The following ESR1 variants were observed in gnomAD, a reference collection of about 807,000 sequenced individuals.
The protein encoded by ESR1 is estrogen receptor 1.
A neutral mutation model predicts 52.7 loss-of-function variants in ESR1; 12 were observed. The observed-to-expected ratio is 0.23, with a 90% CI of 0.15 to 0.37. The LOEUF (loss-of-function observed/expected upper bound fraction) is 0.37, where lower values mean the gene tolerates loss of function less well. Among genes scored for constraint, ESR1 ranks in the 10% least tolerant of loss-of-function variants. The pLI is 1.00. For synonymous variants in ESR1, 305 were observed against 316.8 expected, an observed-to-expected ratio of 0.96 and a Z score of 0.39; for missense variants, 584 against 779.7, an observed-to-expected ratio of 0.75 and a Z score of 2.99.
intron 4 of ESR1, among the ~76,000 whole-genome samples, chr6:151,982,210 A>G (rs1463459873): frequency 6.6e-6 from 1 of 152,208 alleles, no homozygotes; most frequent in African/African-American, 2.4e-5. Context: ...AAAAAGAGGG[A>G]TGAGACCTGG....
chr6:151,953,316 T>G (rs1393134197), intron 4 of ESR1, among the ~76,000 whole-genome samples: 1 of 152,146 alleles, frequency 6.6e-6, no homozygotes. Flanking sequence ...GGAGGTTACA[T>G]CGTAGTGATG....
At chr6:151,923,470 G>T in intron 3 of ESR1, among the ~76,000 whole-genome samples, 1 of 152,074 alleles carries the variant, frequency 6.6e-6, no homozygotes, top group East Asian at 1.9e-4. Context: ...AATATCCTGT[G>T]TTTCTCTAAT....
At chr6:151,870,104 A>G (rs1270409622) in intron 2 of ESR1, among the ~76,000 whole-genome samples, 1 of 152,206 alleles carries the variant, frequency 6.6e-6, no homozygotes, top group Non-Finnish European at 1.5e-5. Flanking sequence ...TATGTGAGTC[A>G]AAATTTATTT....
chr6:151,899,005 C>T (rs1250303598), intron 3 of ESR1, among the ~76,000 whole-genome samples: 25 of 150,734 alleles, frequency 1.7e-4, no homozygotes, highest in African/African-American at 5.6e-4. Flanking sequence ...ACCTCCCGGA[C>T]GGGGCGGCTG....
At chr6:152,045,194 C>G (rs1220605622) in intron 5 of ESR1, among the ~76,000 whole-genome samples, 2 of 152,150 alleles carry the variant, frequency 1.3e-5, no homozygotes, top group Non-Finnish European at 2.9e-5. Flanking sequence ...GAATGGCTCA[C>G]TACAGGGGCA....
intron 6 of ESR1, among the ~76,000 whole-genome samples, chr6:152,071,888 C>T (rs956306760): frequency 2.0e-5 from 3 of 152,066 alleles, no homozygotes; most frequent in Non-Finnish European, 4.4e-5. Flanking sequence ...AATTGATTTG[C>T]TGGTGAAAAG....
At chr6:151,668,521 G>A (rs1243390516) in intron 1 of ESR1, among the ~76,000 whole-genome samples, 1 of 152,120 alleles carries the variant, frequency 6.6e-6, no homozygotes, top group Non-Finnish European at 1.5e-5. Flanking sequence ...CTGACCTCGT[G>A]ATCTGCCTGC....
chr6:151,967,293 C>T (rs1000063282), intron 4 of ESR1, among the ~76,000 whole-genome samples: 5 of 152,112 alleles, frequency 3.3e-5, no homozygotes, highest in African/African-American at 4.8e-5. Context: ...ACCAACCCAT[C>T]ATTTACATTA....
intron 3 of ESR1, among the ~76,000 whole-genome samples, chr6:151,907,109 A>G (rs1484884807): frequency 2.0e-5 from 3 of 152,004 alleles, no homozygotes; most frequent in African/African-American, 4.8e-5. Context: ...TTATTTGTCT[A>G]TGTCTACACT....
chr6:151,965,333 T>C (rs2038154358), intron 4 of ESR1, among the ~76,000 whole-genome samples: 1 of 152,208 alleles, frequency 6.6e-6, no homozygotes, highest in Non-Finnish European at 1.5e-5. Flanking sequence ...GCTTATTTCT[T>C]TGAATATCTT....
At position 151,980,231 on chromosome 6, in the gene ESR1, ATTC is replaced by A. The variant is rs201647577; in HGVS notation, c.1097-31417_1097-31415del. ...AATGGTAAGCTACATTCCAATTTGT[ATTC>A]TTCTTCTAAAGTCCTCCCTGTTTGC... On this transcript the variant is annotated intron_variant, in intron 4 of 7. Transcript: ENST00000206249. 4.4e-4 allele frequency among the ~76,000 whole-genome samples: 67 copies of A among 152,304 alleles called. 1 individual carries two copies. Among genetic ancestry groups the A allele is most frequent in the Admixed American group, 1.8e-3 (27 of 15,294 alleles).
At chr6:151,785,253 C>T (rs146697833) in intron 2 of ESR1, among the ~76,000 whole-genome samples, 92 of 152,160 alleles carry the variant, frequency 6.0e-4, no homozygotes, top group Non-Finnish European at 9.0e-4. Flanking sequence ...AGCCTGGAGA[C>T]GGGGAGTGGG....
At chr6:151,756,640 T>C (rs908046025) in intron 2 of ESR1, among the ~76,000 whole-genome samples, 22 of 152,384 alleles carry the variant, frequency 1.4e-4, no homozygotes, top group African/African-American at 5.0e-4. Flanking sequence ...GGCCGGTAGG[T>C]ACTGTCAATT....
intron 2 of ESR1, among the ~76,000 whole-genome samples, chr6:151,703,873 G>T (rs1779981955): frequency 6.6e-6 from 1 of 152,168 alleles, no homozygotes. Flanking sequence ...GGTCTAAGGT[G>T]CTGTTGCTGA....
chr6:151,895,580 T>C (rs1350116093), intron 3 of ESR1, among the ~76,000 whole-genome samples: 1 of 152,158 alleles, frequency 6.6e-6, no homozygotes, highest in East Asian at 1.9e-4. Flanking sequence ...TTGCTGAAGG[T>C]TTTAATCATA....
upstream of ESR1, chr6:151,807,636 G>A (rs1778087238): frequency 3.5e-6 from 2 of 573,442 alleles, no homozygotes; most frequent in Admixed American, 6.0e-5. Flanking sequence ...TAATGCATAT[G>A]AGCTCGGGAG....
At chr6:151,862,224 G>C (rs1326170377) in intron 2 of ESR1, among the ~76,000 whole-genome samples, 1 of 152,168 alleles carries the variant, frequency 6.6e-6, no homozygotes, top group Non-Finnish European at 1.5e-5. Context: ...CAAAACCAGT[G>C]TTGAATCTGA....
chr6:152,039,663 G>T (rs1473725073), intron 5 of ESR1, among the ~76,000 whole-genome samples: 2 of 152,074 alleles, frequency 1.3e-5, no homozygotes, highest in Non-Finnish European at 2.9e-5. Context: ...CTGGACCCAT[G>T]AATCCTGGCT....
At chr6:151,812,360 A>G (rs558537388) in intron 1 of ESR1, among the ~76,000 whole-genome samples, 2 of 152,336 alleles carry the variant, frequency 1.3e-5, no homozygotes, top group East Asian at 1.9e-4. Context: ...TTATAAATAT[A>G]GAATGATGAT....
Sources: gnomAD v4.1 joint callset for allele counts (sites outside exome capture counted in the v4.1 genomes callset) on GRCh38, gnomAD v4.1.1 for gene constraint, MANE v1.5 for transcripts, NCBI Gene and HGNC (gene_info 2026-07-23, HGNC 2026-07-21) for gene names.